ERCC6: variants seen among roughly 807,000 people sequenced by gnomAD.
The protein encoded by ERCC6 is DNA excision repair protein ERCC-6.
A neutral mutation model predicts 158.7 loss-of-function variants in ERCC6; 116 were observed. That is an observed-to-expected ratio of 0.73 (90% CI 0.63 to 0.85). The LOEUF is 0.85. Among genes scored for constraint, ERCC6 ranks in the 40% least tolerant of loss-of-function variants. The pLI, the probability that ERCC6 is intolerant of heterozygous loss-of-function variation, is 0.00. For synonymous variants in ERCC6, 678 were observed against 659.3 expected, an observed-to-expected ratio of 1.03 and a Z score of -0.43; for missense variants, 1,698 against 1,799.4, an observed-to-expected ratio of 0.94 and a Z score of 1.02.
Position 49,483,530 on chromosome 10 carries a change from A to C in ERCC6, c.1822-14T>G. The C allele has an allele frequency of 6.2e-7, 1 of 1,613,586 alleles. No individual in the cohort carries two copies. The highest frequency in any genetic ancestry group is 8.5e-7 in the Non-Finnish European group (1 of 1,179,752). On this transcript the variant is annotated splice_polypyrimidine_tract_variant and intron_variant, in intron 8 of 20. Coordinates refer to ENST00000355832, the MANE Select transcript of ERCC6 (RefSeq NM_000124.4). ...AATTAGTTTCTCCTGAGACCACAAT[A>C]AAATGGTAAAGTCAGTTTTAAATAA... is the stretch of plus-strand genomic sequence containing the variant.
intron 7 of ERCC6, among the ~76,000 whole-genome samples, chr10:49,494,221 A>C (rs1375452841): frequency 6.6e-6 from 1 of 152,184 alleles, no homozygotes; most frequent in African/African-American, 2.4e-5. Flanking sequence ...ACCTCTGGGA[A>C]CGTCAGTTTT....
In ERCC6 at chr10:49,532,734, T is replaced by A. The variant is rs2132639337; in HGVS notation, c.231A>T (p.Arg77=). The change falls in exon 2 of 21, where the codon CGA becomes CGT. Residue 77 remains arginine, a synonymous_variant. Transcript: ENST00000355832. The stretch of plus-strand genomic sequence containing the variant: ...TAGGCTCTACTGCCTGGATCTGATG[T>A]CGGTCGATGTGCAGCAGGGCTGGCC... ...RRGPALLHID[R]HQIQAVEPSA... is the part of the protein sequence containing the mutation. The A allele has an allele frequency of 6.2e-7, 1 of 1,614,212 alleles. No homozygotes were observed. The highest frequency in any genetic ancestry group is 1.1e-5 in the South Asian group (1 of 91,090).
At chr10:49,468,697 C>G (rs1057498891) in intron 18 of ERCC6, among the ~76,000 whole-genome samples, 1 of 152,106 alleles carries the variant, frequency 6.6e-6, no homozygotes, top group African/African-American at 2.4e-5. Context: ...CTATTGGCTA[C>G]GAAAGCAATG....
At chr10:49,510,247 T>C (rs759593528) in intron 5 of ERCC6, among the ~76,000 whole-genome samples, 2 of 152,164 alleles carry the variant, frequency 1.3e-5, no homozygotes, top group Admixed American at 6.5e-5. Flanking sequence ...TGAAAGCTAG[T>C]TGCTGCCATT....
chr10:49,514,720 T>G (rs1280563753), intron 5 of ERCC6, among the ~76,000 whole-genome samples: 1 of 152,200 alleles, frequency 6.6e-6, no homozygotes, highest in East Asian at 1.9e-4. Context: ...AGAGGCACAA[T>G]GAGTACAATT....
At position 49,526,115 on chromosome 10, in the gene ERCC6, TTTTATATATATATATATATATATA is replaced by T. The variant is rs1243554070; in HGVS notation, c.653-1362_653-1339del. On this transcript the variant is annotated intron_variant, in intron 4 of 20. Coordinates refer to ENST00000355832, the MANE Select transcript of ERCC6 (RefSeq NM_000124.4). Reference sequence around the variant, plus strand: ...TTTATATATTTATATATTTATATATTTTTATATATATATATATATATATATATATATATATATATATATATATCT... The same window carrying T: ...TTTATATATTTATATATTTATATATTTATATATATATATATATATATATCT... Among the ~76,000 whole-genome samples the T allele has an allele frequency of 4.2e-3, 447 of 105,436 alleles. 19 individuals are homozygous for T. The highest frequency in any genetic ancestry group is 0.016 in the African/African-American group (400 of 24,484). The allele number at this position is 105,436 out of a possible 152,430, so 69.2% of individuals were successfully genotyped here. A position where few individuals can be genotyped will look rare whatever the true frequency, so the allele number is the denominator to read the frequency against.
At chr10:49,475,333 CT>C (rs1399190011) in intron 12 of ERCC6, 1 of 406,718 alleles carries the variant, frequency 2.5e-6, no homozygotes, top group Non-Finnish European at 4.9e-6. Flanking sequence ...TCACCTGTTT[CT>C]CTTTTTCCTT....
intron 18 of ERCC6, among the ~76,000 whole-genome samples, chr10:49,469,671 ACTG>A (rs917256007): frequency 2.0e-5 from 3 of 152,216 alleles, no homozygotes; most frequent in Non-Finnish European, 4.4e-5. Flanking sequence ...GAACACAGTG[ACTG>A]CTAAGGGATC....
At chr10:49,506,685 A>C (rs1210457644) in intron 5 of ERCC6, among the ~76,000 whole-genome samples, 1 of 152,154 alleles carries the variant, frequency 6.6e-6, no homozygotes, top group Non-Finnish European at 1.5e-5. Flanking sequence ...TCAGAAGGAA[A>C]TATATTTCAT....
intron 7 of ERCC6, among the ~76,000 whole-genome samples, chr10:49,495,267 C>G (rs1227010561): frequency 6.6e-6 from 1 of 152,118 alleles, no homozygotes; most frequent in Non-Finnish European, 1.5e-5. Context: ...CAACACTCAG[C>G]TCATGCTACA....
rs1000739210 is a variant in ERCC6 at position 49,527,636 on chromosome 10, T to C, written c.652+781A>G. ...GTTGCAGTGAGCTGAGATGGTGCCA[T>C]TGCACTCCAAACTTGGGCAACAAGA... On this transcript the variant is annotated intron_variant, in intron 4 of 20. Transcript: ENST00000355832. Among the ~76,000 whole-genome samples the C allele has an allele frequency of 1.2e-4, 18 of 152,302 alleles. No homozygotes were observed. In the East Asian group the frequency reaches 1.5e-3, roughly 13 times the overall value.
intron 8 of ERCC6, among the ~76,000 whole-genome samples, chr10:49,490,440 C>T (rs893275841): frequency 2.0e-5 from 3 of 151,700 alleles, no homozygotes; most frequent in East Asian, 1.9e-4. Context: ...CTGCAACCTC[C>T]GCCTCTAGGG....
rs772545860 is a variant in ERCC6, at chr10:49,524,218, C to CTGA, written c.1211_1212insTCA (p.Leu404_Lys405insGln). ...GTTTCCCGCCCTTGGGCAGAGGCTT[C>CTGA]AGCTCATAGTCAGTACCATCTCCAG... On this transcript the variant is annotated inframe_insertion, in exon 5 of 21. Transcript: ENST00000355832. 1 of 1,614,152 alleles carries CTGA rather than the reference C, an allele frequency of 6.2e-7. No individual in the cohort carries two copies. Among genetic ancestry groups the CTGA allele is most frequent in the Non-Finnish European group, 8.5e-7 (1 of 1,180,026 alleles).
rs1850548051 is a variant in ERCC6 at position 49,459,945 on chromosome 10, C to A, written c.4062+428G>T. 3 of 257,116 alleles carry A rather than the reference C, an allele frequency of 1.2e-5. No individual in the cohort carries two copies. In the South Asian group the frequency reaches 1.5e-4, roughly 13 times the overall value. The allele number at this position is 257,116 out of a possible 1,614,324, so 15.9% of individuals were successfully genotyped here. ...GTTTTAACCACAGTAGCACTCAAGG[C>A]AAGCAGGGCATTCTTGAGCAGAGAA... On this transcript the variant is annotated intron_variant, in intron 20 of 20. Transcript: ENST00000355832.
chr10:49,538,494 C>G (rs964988148), intron 1 of ERCC6, among the ~76,000 whole-genome samples: 1 of 152,210 alleles, frequency 6.6e-6, no homozygotes, highest in Admixed American at 6.5e-5. Context: ...CACAGGATGA[C>G]AGCAGTTAAG....
rs747223564 is a variant in ERCC6, at chr10:49,470,869, T to C, written c.3091A>G (p.Thr1031Ala). ...CTTCTTTTTAGATGGCATTTGGGTG[T>C]CTGAACATCTGATCCAGTTCCTGTA... is the stretch of plus-strand genomic sequence containing the variant. Reference protein sequence around the residue: ...IFAGTGSDVQTPKCHLKRRIQ... With the variant: ...IFAGTGSDVQAPKCHLKRRIQ... The change falls in exon 18 of 21, where the codon ACA becomes GCA. Residue 1031 changes from threonine to alanine, a missense_variant. Coordinates refer to ENST00000355832, the MANE Select transcript of ERCC6 (RefSeq NM_000124.4). The C allele has an allele frequency of 4.3e-6, 7 of 1,613,948 alleles. No individual in the cohort carries two copies. The South Asian group carries it at 6.6e-5, about 15-fold the overall frequency.
At chr10:49,500,500 G>A (rs1303477098) in intron 7 of ERCC6, 38 bp downstream of exon 7, 2 of 1,603,946 alleles carry the variant, frequency 1.2e-6, no homozygotes, top group South Asian at 2.2e-5. Context: ...AATATTAATT[G>A]AGCTCCACAG....
At chr10:49,517,159 G>A in intron 5 of ERCC6, 1 of 1,532,772 alleles carries the variant, frequency 6.5e-7, no homozygotes, top group Non-Finnish European at 8.8e-7. Context: ...CCTAGTGGTA[G>A]TGGTTTTGCC....
Position 49,474,041 on chromosome 10 carries a change from A to G in ERCC6, c.2584T>C (p.Ser862Pro). ...TGTGCACTCACCTGCCTTGACTGAG[A>G]AAACAGCAATACTCGCTGACCCTGC... ...HKQGQRVLLF[S>P]QSRQMLDILE... Residue 862 changes from serine to proline, a missense_variant, in exon 13 of 21, where the codon TCT (serine) becomes CCT (proline). Coordinates refer to ENST00000355832, the MANE Select transcript of ERCC6 (RefSeq NM_000124.4). The G allele has an allele frequency of 6.2e-7, 1 of 1,614,068 alleles. No homozygotes were observed. The highest frequency in any genetic ancestry group is 1.7e-5 in the Admixed American group (1 of 60,022).
Sources: allele counts gnomAD v4.1 joint callset (sites outside exome capture counted in the v4.1 genomes callset), GRCh38; gene constraint gnomAD v4.1.1; transcripts MANE v1.5; gene names NCBI Gene and HGNC (gene_info 2026-07-23, HGNC 2026-07-21).